Variants in IFNGR2 observed in about 807,000 individuals in gnomAD.
The protein encoded by IFNGR2 is IFN-gamma receptor 2.
IFNGR2 carries 15 observed loss-of-function variants against 41.1 expected under a neutral mutation model. That is an observed-to-expected ratio of 0.37 (90% CI 0.24 to 0.56). IFNGR2 has a LOEUF of 0.56. Among genes scored for constraint, IFNGR2 ranks in the 20% least tolerant of loss-of-function variants. The pLI is 0.81. For missense variants in IFNGR2, 362 were observed against 415.7 expected, an observed-to-expected ratio of 0.87 and a Z score of 1.12; for synonymous variants, 161 against 171.6, an observed-to-expected ratio of 0.94 and a Z score of 0.48.
chr21:33,422,089 G>A (rs2083798140), intron 3 of IFNGR2, among the ~76,000 whole-genome samples: 1 of 152,208 alleles, frequency 6.6e-6, no homozygotes, highest in South Asian at 2.1e-4. Context: ...TGCTAGAAGG[G>A]ATGCTAGCAT....
chr21:33,404,813 A>G (rs892852324), intron 1 of IFNGR2, among the ~76,000 whole-genome samples: 3 of 152,158 alleles, frequency 2.0e-5, no homozygotes, highest in Non-Finnish European at 4.4e-5. Context: ...CCAGCTGACC[A>G]CGCTTATGAG....
intron 6 of IFNGR2, among the ~76,000 whole-genome samples, chr21:33,435,021 G>A (rs1232364968): frequency 6.6e-6 from 1 of 152,148 alleles, no homozygotes; most frequent in East Asian, 1.9e-4. Context: ...TATAATTCTG[G>A]GGTTTCACAA....
chr21:33,414,796 A>G (rs1008493159), intron 1 of IFNGR2, 92 bp from the exon 2 acceptor site: 8 of 1,407,922 alleles, frequency 5.7e-6, no homozygotes, highest in East Asian at 2.5e-5. Flanking sequence ...AGTTGTATGA[A>G]TGACTTAGAT....
intron 4 of IFNGR2, 96 bp downstream of exon 4, chr21:33,427,128 G>A (rs2123358763): frequency 9.5e-7 from 1 of 1,049,616 alleles, no homozygotes; most frequent in Non-Finnish European, 1.5e-6. Context: ...AGAACAGGGT[G>A]TCTCCATGTC....
At chr21:33,413,826 CTTT>C (rs3057381) in intron 1 of IFNGR2, among the ~76,000 whole-genome samples, 3 of 61,728 alleles carry the variant, frequency 4.9e-5, no homozygotes, top group Admixed American at 2.4e-4. Flanking sequence ...GCCCCCTAAC[CTTT>C]TTTTTTTTTT....
At chr21:33,432,062 C>T in intron 4 of IFNGR2, 115 bp from the exon 5 acceptor site, 5 of 967,916 alleles carry the variant, frequency 5.2e-6, no homozygotes, top group Non-Finnish European at 8.4e-6. Context: ...CTAAAAATGG[C>T]ATCTTGTTCT....
chr21:33,432,720 C>G lies in IFNGR2; in HGVS notation c.728C>G (p.Thr243Ser). ...TTTCGTGTCCTCTTTTTAGCCTCCA[C>G]TGAGCTTCAGCAAGTCATCCTGATC... is the stretch of plus-strand genomic sequence containing the variant. Reference protein sequence around the residue: ...SCYETMADASTELQQVILISV... With the variant: ...SCYETMADASSELQQVILISV... Residue 243 changes from threonine to serine, a missense_variant, in exon 6 of 7, where the codon ACT (threonine) becomes AGT (serine). Transcript: ENST00000290219. 1 of 1,614,110 alleles carries G rather than the reference C, an allele frequency of 6.2e-7. No individual in the cohort carries two copies. Among genetic ancestry groups the G allele is most frequent in the South Asian group, 1.1e-5 (1 of 91,084 alleles).
At chr21:33,412,551 C>CATTT (rs377537879) in intron 1 of IFNGR2, among the ~76,000 whole-genome samples, 157 of 152,162 alleles carry the variant, frequency 1.0e-3, no homozygotes, top group Middle Eastern at 3.4e-3. Flanking sequence ...GGTACCAGAG[C>CATTT]ATTTATTTAT....
chr21:33,414,809 T>C, intron 1 of IFNGR2, 79 bp from the exon 2 acceptor site: 1 of 1,454,534 alleles, frequency 6.9e-7, no homozygotes, highest in Non-Finnish European at 9.4e-7. Flanking sequence ...ACTTAGATAA[T>C]GGACATTGAA....
At chr21:33,408,773 A>G (rs2083695596) in intron 1 of IFNGR2, among the ~76,000 whole-genome samples, 1 of 152,252 alleles carries the variant, frequency 6.6e-6, no homozygotes, top group Admixed American at 6.5e-5. Flanking sequence ...GTGCTAGAAT[A>G]GAAATATTTT....
At chr21:33,410,499 G>A (rs1386344299) in intron 1 of IFNGR2, among the ~76,000 whole-genome samples, 2 of 140,222 alleles carry the variant, frequency 1.4e-5, no homozygotes, top group African/African-American at 2.7e-5. Flanking sequence ...ACAGAGTCTC[G>A]CTCTTGTCGC....
chr21:33,421,502 G>A lies in IFNGR2; in HGVS notation c.229G>A (p.Ala77Thr). ...FKYTDSKWFT[A>T]DIMSIGVNCT... The stretch of plus-strand genomic sequence containing the variant: ...CAGCACCGACAGTAAATGGTTCACG[G>A]CCGACATCATGTCCATAGGGGTGAA... Residue 77 changes from alanine to threonine, a missense_variant, in exon 3 of 7, where the codon GCC becomes ACC. Ala to Thr is a moderately conservative substitution (Grantham distance 58, BLOSUM62 0). Coordinates refer to ENST00000290219, the MANE Select transcript of IFNGR2 (RefSeq NM_005534.4). The A allele has an allele frequency of 6.2e-7, 1 of 1,613,908 alleles. No homozygotes were observed. Among genetic ancestry groups the A allele is most frequent in the Non-Finnish European group, 8.5e-7 (1 of 1,179,916 alleles).
At chr21:33,410,535 C>G (rs1376340954) in intron 1 of IFNGR2, among the ~76,000 whole-genome samples, 1 of 76,224 alleles carries the variant, frequency 1.3e-5, no homozygotes, top group African/African-American at 5.6e-5. Context: ...GTGGCGTGAT[C>G]TCAGCTCATT....
At chr21:33,422,460 T>C (rs1199559456) in intron 3 of IFNGR2, among the ~76,000 whole-genome samples, 2 of 152,324 alleles carry the variant, frequency 1.3e-5, no homozygotes, top group Admixed American at 6.6e-5. Context: ...ACAATTTTAT[T>C]GTTGACTTAT....
chr21:33,406,537 C>G (rs2083678802), intron 1 of IFNGR2, among the ~76,000 whole-genome samples: 1 of 150,786 alleles, frequency 6.6e-6, no homozygotes, highest in South Asian at 2.1e-4. Flanking sequence ...AAAATATTCA[C>G]AATGATTATA....
At position 33,407,939 on chromosome 21, in the gene IFNGR2, G is replaced by T. The variant is rs890721110; in HGVS notation, c.73+4323G>T. On this transcript the variant is annotated intron_variant, in intron 1 of 6. Transcript: ENST00000290219. ...TGCCTGGCCTAGTATTTCTTGAAGA[G>T]AACAATTTCCTGGTTATGGCTGAGG... Among the ~76,000 whole-genome samples the T allele has an allele frequency of 3.4e-5, 5 of 147,530 alleles. No homozygotes were observed. In the Admixed American group the frequency reaches 3.5e-4, roughly 10 times the overall value.
intron 4 of IFNGR2, among the ~76,000 whole-genome samples, chr21:33,430,567 C>T (rs991278262): frequency 3.9e-5 from 6 of 152,160 alleles, no homozygotes; most frequent in East Asian, 1.9e-4. Flanking sequence ...TTTGGCCTTC[C>T]GAGTAGCTGG....
chr21:33,410,479 T>C (rs891961772), intron 1 of IFNGR2, among the ~76,000 whole-genome samples: 1 of 151,678 alleles, frequency 6.6e-6, no homozygotes. Flanking sequence ...ACAATTTTTT[T>C]TTTTTTGAGA....
Position 33,414,921 on chromosome 21 carries a change from C to G in IFNGR2, c.107C>G (p.Pro36Arg), listed in dbSNP as rs1335250915. 1 of 1,614,132 alleles carries G rather than the reference C, an allele frequency of 6.2e-7. No homozygotes were observed. The highest frequency in any genetic ancestry group is 8.5e-7 in the Non-Finnish European group (1 of 1,180,024). Residue 36 changes from proline (P) to arginine (R), a missense_variant, in exon 2 of 7, where the codon CCG becomes CGG. Transcript: ENST00000290219. ...PLSQLPAPQH[P>R]KIRLYNAEQV... ...TCCCAGCTGCCCGCTCCTCAGCACC[C>G]GAAGATTCGCCTGTACAACGCAGAG...
Sources: allele counts gnomAD v4.1 joint callset (sites outside exome capture counted in the v4.1 genomes callset), GRCh38; gene constraint gnomAD v4.1.1; transcripts MANE v1.5; gene names NCBI Gene and HGNC (gene_info 2026-07-23, HGNC 2026-07-21).